STYK1: variants seen among roughly 807,000 people sequenced by gnomAD.
STYK1 encodes the protein STY kinase 1, also known as tyrosine-protein kinase STYK1.
In STYK1, 46 loss-of-function variants were observed where a neutral mutation model predicts 48.1. The ratio of observed to expected loss-of-function variants is 0.96; its 90% CI spans 0.75 to 1.22. The LOEUF (loss-of-function observed/expected upper bound fraction) is 1.22, where lower values mean the gene tolerates loss of function less well. STYK1 is among the 50% of genes most tolerant of loss of function. The probability of loss-of-function intolerance (pLI) is 0.00; values close to 1 mark genes in which losing one functional copy is unlikely to be tolerated. For missense variants in STYK1, 527 were observed against 521.1 expected (o/e 1.01, Z -0.11); for synonymous variants, 188 against 189.0 (o/e 0.99, Z 0.04).
At chr12:10,630,198 C>T (rs182480390) in intron 5 of STYK1, among the ~76,000 whole-genome samples, 1 of 149,578 alleles carries the variant, frequency 6.7e-6, no homozygotes, top group East Asian at 2.0e-4. Context: ...CTGGCCTGGC[C>T]AATATGGTGA....
At chr12:10,636,431 T>C (rs1947486331) in intron 2 of STYK1, among the ~76,000 whole-genome samples, 1 of 152,168 alleles carries the variant, frequency 6.6e-6, no homozygotes, top group African/African-American at 2.4e-5. Context: ...TCTAAGAAGT[T>C]GATGAATAGT....
chr12:10,654,438 T>C (rs761279207), intron 1 of STYK1, among the ~76,000 whole-genome samples: 2 of 152,164 alleles, frequency 1.3e-5, no homozygotes, highest in African/African-American at 4.8e-5. Flanking sequence ...GGGGTCTGGA[T>C]TGGGACCCCT....
chr12:10,670,345 G>A (rs1444216285), intron 1 of STYK1, among the ~76,000 whole-genome samples: 2 of 152,030 alleles, frequency 1.3e-5, no homozygotes, highest in Non-Finnish European at 2.9e-5. Flanking sequence ...TCCATCAATG[G>A]ATAAATGAAT....
chr12:10,636,573 C>A (rs1249555820), intron 2 of STYK1, among the ~76,000 whole-genome samples: 1 of 152,122 alleles, frequency 6.6e-6, no homozygotes, highest in African/African-American at 2.4e-5. Flanking sequence ...AAAAAACAGA[C>A]CTTAAGAGAG....
At chr12:10,643,801 A>G (rs544672674) in intron 1 of STYK1, among the ~76,000 whole-genome samples, 2 of 152,310 alleles carry the variant, frequency 1.3e-5, no homozygotes, top group East Asian at 3.9e-4. Flanking sequence ...CTGGAAGGTC[A>G]GTGGGCCTGG....
At chr12:10,634,876 C>T (rs1947469044) in intron 2 of STYK1, among the ~76,000 whole-genome samples, 190 bp from the exon 3 acceptor site, 2 of 152,162 alleles carry the variant, frequency 1.3e-5, no homozygotes, top group African/African-American at 4.8e-5. Flanking sequence ...CTCTTCCTCT[C>T]AGCGTTTCTC....
chr12:10,639,879 A>G (rs1161959469), intron 1 of STYK1, among the ~76,000 whole-genome samples: 1 of 152,248 alleles, frequency 6.6e-6, no homozygotes, highest in Non-Finnish European at 1.5e-5. Context: ...ATCCAAAAGA[A>G]TCATGGAAAC....
chr12:10,635,755 C>A (rs767973488), intron 2 of STYK1, among the ~76,000 whole-genome samples: 6 of 152,146 alleles, frequency 3.9e-5, no homozygotes, highest in Non-Finnish European at 8.8e-5. Context: ...TTATGTGTAT[C>A]ACTGTTAAGT....
intron 1 of STYK1, among the ~76,000 whole-genome samples, chr12:10,654,996 A>G (rs769990397): frequency 2.7e-4 from 41 of 152,154 alleles, no homozygotes; most frequent in Non-Finnish European, 5.4e-4. Context: ...ACCCCACTGT[A>G]GGCAACACTT....
chr12:10,664,819 T>C (rs1947817190), intron 1 of STYK1, among the ~76,000 whole-genome samples: 1 of 152,250 alleles, frequency 6.6e-6, no homozygotes, highest in Non-Finnish European at 1.5e-5. Context: ...TAGGTTTACC[T>C]ACACTCCTTT....
At chr12:10,625,758 A>G (rs1254724202) in intron 7 of STYK1, among the ~76,000 whole-genome samples, 2 of 152,268 alleles carry the variant, frequency 1.3e-5, no homozygotes, top group South Asian at 4.1e-4. Context: ...TCTACTAAAA[A>G]TTTTCAAGTC....
chr12:10,634,161 A>AGAG (rs1229622692), intron 3 of STYK1, 37 bp from the exon 4 acceptor site: 1 of 1,599,030 alleles, frequency 6.3e-7, no homozygotes, highest in East Asian at 2.2e-5. Context: ...AAGAGAATGA[A>AGAG]GAAGCCTAAC....
chr12:10,663,598 CAAAAAAAAAAAAAAAAAAAAA>C (rs34019110), intron 1 of STYK1, among the ~76,000 whole-genome samples: 12 of 51,486 alleles, frequency 2.3e-4, no homozygotes, highest in East Asian at 7.3e-4. Context: ...GACTCTGTCT[CAAAAAAAAAAAAAAAAAAAAA>C]AAAAAAAAAA....
intron 10 of STYK1, among the ~76,000 whole-genome samples, chr12:10,621,544 G>T (rs1311007537): frequency 1.3e-5 from 2 of 152,142 alleles, no homozygotes; most frequent in East Asian, 3.8e-4. Flanking sequence ...CTTGCATTGG[G>T]TTTAGTTTAC....
Position 10,621,880 on chromosome 12 carries a change from T to C in STYK1, c.1060A>G (p.Thr354Ala). 2 of 1,613,686 alleles carry C rather than the reference T, an allele frequency of 1.2e-6. No individual in the cohort carries two copies. The highest frequency in any genetic ancestry group is 1.7e-6 in the Non-Finnish European group (2 of 1,179,678). ...IMKRPSSCTH[T>A]MYSIMKSCWR... ...AGGCCTTTAAAAACCACTTACATGG[T>C]ATGTGTGCAGCTACTGGGTCTCTTC... The change falls in exon 10 of 11, where the codon ACC becomes GCC. Residue 354 changes from threonine to alanine, a missense_variant. By Grantham distance (58) the Thr-to-Ala change is moderately conservative. Coordinates refer to ENST00000075503, the MANE Select transcript of STYK1 (RefSeq NM_018423.3).
intron 1 of STYK1, among the ~76,000 whole-genome samples, chr12:10,647,195 G>A (rs1386887402): frequency 6.6e-6 from 1 of 152,194 alleles, no homozygotes; most frequent in Non-Finnish European, 1.5e-5. Flanking sequence ...CATGTGCCTG[G>A]GAAAGCTGCA....
intron 1 of STYK1, among the ~76,000 whole-genome samples, chr12:10,650,702 T>C (rs1947653135): frequency 6.6e-6 from 1 of 152,102 alleles, no homozygotes; most frequent in African/African-American, 2.4e-5. Context: ...TTCAGTGAAC[T>C]GAAAGTGCAG....
intron 5 of STYK1, 23 bp downstream of exon 5, chr12:10,631,022 G>A (rs934382472): frequency 6.2e-7 from 1 of 1,608,966 alleles, no homozygotes; most frequent in African/African-American, 1.3e-5. Flanking sequence ...GGGGAAGGGG[G>A]AGTCAAACAC....
At chr12:10,670,249 G>A (rs1947877594) in intron 1 of STYK1, among the ~76,000 whole-genome samples, 1 of 152,088 alleles carries the variant, frequency 6.6e-6, no homozygotes, top group Non-Finnish European at 1.5e-5. Flanking sequence ...TGAAATCAGT[G>A]TGTCTGATTT....
Sources: allele counts gnomAD v4.1 joint callset (sites outside exome capture counted in the v4.1 genomes callset), GRCh38; gene constraint gnomAD v4.1.1; transcripts MANE v1.5; gene names NCBI Gene and HGNC (gene_info 2026-07-23, HGNC 2026-07-21).